The following EMB variants were observed in gnomAD, a reference collection of about 807,000 sequenced individuals.
EMB encodes embigin, also known as embigin homolog.
Under a neutral mutation model 41.4 loss-of-function variants are expected in EMB, and 31 were observed. That is an observed-to-expected ratio of 0.75 (90% CI 0.56 to 1.01). The LOEUF is 1.01. EMB is among the 50% of genes least tolerant of loss of function. The pLI is 0.00. For synonymous variants in EMB, 137 were observed against 140.4 expected (o/e 0.98, Z 0.17); for missense variants, 379 against 388.3 (o/e 0.98, Z 0.20).
At position 50,411,302 on chromosome 5, in the gene EMB, G is replaced by A; in HGVS notation, c.278C>T (p.Ser93Phe). Residue 93 changes from serine to phenylalanine, a missense_variant, in exon 3 of 9, where the codon TCT (serine) becomes TTT (phenylalanine). Physicochemically the swap from Ser to Phe is radical, Grantham distance 155. Coordinates refer to ENST00000303221, the MANE Select transcript of EMB (RefSeq NM_198449.3). ...NVNLTCQFTT[S>F]GDLNAVNVTW... is the part of the protein sequence containing the mutation. ...CACATTTACTGCATTCAAATCCCCA[G>A]ATGTTGTGAACTGGCATGTGAGATT... The A allele has an allele frequency of 6.2e-7, 1 of 1,612,932 alleles. No individual in the cohort carries two copies. Among genetic ancestry groups the A allele is most frequent in the South Asian group, 1.1e-5 (1 of 90,950 alleles).
intron 2 of EMB, chr5:50,411,591 A>G: frequency 5.0e-6 from 2 of 400,248 alleles, no homozygotes; most frequent in East Asian, 8.1e-5. Context: ...TTCAACATTA[A>G]CACAATTAAA....
intron 7 of EMB, among the ~76,000 whole-genome samples, chr5:50,400,434 G>T (rs542715214): frequency 2.0e-5 from 3 of 151,892 alleles, no homozygotes; most frequent in African/African-American, 4.8e-5. Context: ...AGGTCTTGGG[G>T]GCAGGCGTCA....
At chr5:50,441,460 CAGGTCGGGAGA>C (rs1490133566), upstream of EMB, 2 of 230,328 alleles carry the variant, frequency 8.7e-6, no homozygotes, top group African/African-American at 2.3e-5. Context: ...TCGGCTCTAG[CAGGTCGGGAGA>C]GAGCTTGGGC....
intron 1 of EMB, among the ~76,000 whole-genome samples, chr5:50,436,568 C>A (rs1024876507): frequency 6.6e-6 from 1 of 152,214 alleles, no homozygotes; most frequent in Non-Finnish European, 1.5e-5. Flanking sequence ...GATCAAACAT[C>A]ACCCATCTGC....
chr5:50,399,495 C>G (rs528774695), intron 8 of EMB, among the ~76,000 whole-genome samples: 2 of 151,914 alleles, frequency 1.3e-5, no homozygotes, highest in South Asian at 2.1e-4. Context: ...TAAGTTTATA[C>G]CCCCAAATAT....
chr5:50,415,003 G>A (rs780654519), intron 2 of EMB, among the ~76,000 whole-genome samples: 2 of 152,016 alleles, frequency 1.3e-5, no homozygotes, highest in Non-Finnish European at 2.9e-5. Context: ...CACTGAAGTC[G>A]TTTTTTTATT....
intron 2 of EMB, among the ~76,000 whole-genome samples, chr5:50,420,657 T>C (rs1441189124): frequency 5.3e-5 from 8 of 152,226 alleles, no homozygotes; most frequent in Admixed American, 3.3e-4. Flanking sequence ...AAACATACAC[T>C]GTATGACATC....
At chr5:50,419,241 T>G (rs1163506678) in intron 2 of EMB, among the ~76,000 whole-genome samples, 5 of 152,094 alleles carry the variant, frequency 3.3e-5, no homozygotes. Flanking sequence ...TCTTCTACAT[T>G]TACAAATCAA....
intron 1 of EMB, among the ~76,000 whole-genome samples, chr5:50,435,077 C>T (rs960955040): frequency 6.6e-6 from 1 of 152,196 alleles, no homozygotes; most frequent in African/African-American, 2.4e-5. Context: ...TTCTCAACTA[C>T]TGTTTTAGTT....
Position 50,441,215 on chromosome 5 carries a change from C to G in EMB, c.-64G>C. On this transcript the variant is annotated 5_prime_UTR_variant, in exon 1 of 9. Coordinates refer to ENST00000303221, the MANE Select transcript of EMB (RefSeq NM_198449.3). ...TCCCTCAGCTCGCCGCCGCGGGTGT[C>G]CAGAGTCCCTGCGCACACTCGCAGG... The G allele has an allele frequency of 1.9e-6, 2 of 1,051,406 alleles. No homozygotes were observed. The highest frequency in any genetic ancestry group is 2.5e-6 in the Non-Finnish European group (2 of 790,808). 65.1% of individuals were successfully genotyped at this position (1,051,406 alleles called of 1,614,324 possible). A position where few individuals can be genotyped will look rare whatever the true frequency, so the allele number is the denominator to read the frequency against.
Position 50,397,569 on chromosome 5 carries a change from GA to G in EMB, c.*1703del, listed in dbSNP as rs1419909972. The G allele has an allele frequency of 2.6e-5, 4 of 152,006 alleles. No homozygotes were observed. Among genetic ancestry groups the G allele is most frequent in the African/African-American group, 9.7e-5 (4 of 41,400 alleles). The allele number at this position is 152,006 out of a possible 1,614,324, so 9.4% of individuals were successfully genotyped here. ...TTCCAAGTCACAAATACACTGCTTT[GA>G]ATTGTATTTAGTCAAACAGCAGATT... is the stretch of plus-strand genomic sequence containing the variant. On this transcript the variant is annotated 3_prime_UTR_variant, in exon 9 of 9. Coordinates refer to ENST00000303221, the MANE Select transcript of EMB (RefSeq NM_198449.3).
In EMB at chr5:50,430,801, C is replaced by T. The variant is rs1215392893; in HGVS notation, c.113-2574G>A. The stretch of plus-strand genomic sequence containing the variant: ...GGTGGAAGAAGGGTGAAGATAATTC[C>T]AGGAAGATGAGCTCCAATGCTGGGG... On this transcript the variant is annotated intron_variant, in intron 1 of 8. Coordinates refer to ENST00000303221, the MANE Select transcript of EMB (RefSeq NM_198449.3). 2.0e-5 allele frequency among the ~76,000 whole-genome samples: 3 copies of T among 152,160 alleles called. No individual in the cohort carries two copies. The East Asian group carries it at 5.8e-4, about 29-fold the overall frequency.
intron 2 of EMB, among the ~76,000 whole-genome samples, chr5:50,412,992 T>C (rs905568877): frequency 3.3e-5 from 5 of 151,466 alleles, no homozygotes; most frequent in Non-Finnish European, 7.4e-5. Context: ...CTACTTGTCT[T>C]TTCTTTCTTC....
intron 2 of EMB, among the ~76,000 whole-genome samples, chr5:50,427,186 A>C (rs558263319): frequency 2.0e-4 from 31 of 152,326 alleles, no homozygotes; most frequent in African/African-American, 7.0e-4. Context: ...AGTCATACTG[A>C]AGACCATTCC....
chr5:50,433,564 G>C (rs1170687829), intron 1 of EMB, among the ~76,000 whole-genome samples: 1 of 152,204 alleles, frequency 6.6e-6, no homozygotes, highest in Non-Finnish European at 1.5e-5. Context: ...TATTCGATAA[G>C]AGTTGGGATT....
At chr5:50,420,077 G>A (rs992975040) in intron 2 of EMB, among the ~76,000 whole-genome samples, 3 of 152,142 alleles carry the variant, frequency 2.0e-5, no homozygotes, top group African/African-American at 4.8e-5. Context: ...AATGCATGCT[G>A]GGCTTACTGT....
chr5:50,427,305 A>G (rs540023218), intron 2 of EMB, among the ~76,000 whole-genome samples: 1 of 152,094 alleles, frequency 6.6e-6, no homozygotes, highest in Admixed American at 6.5e-5. Context: ...AATTATAAAT[A>G]TATCTTCAAA....
At chr5:50,424,894 A>T (rs1241741932) in intron 2 of EMB, among the ~76,000 whole-genome samples, 2 of 152,206 alleles carry the variant, frequency 1.3e-5, no homozygotes, top group African/African-American at 4.8e-5. Flanking sequence ...TATTAAAAAA[A>T]CAAAAGTTGA....
chr5:50,417,680 A>G (rs373629636), intron 2 of EMB, among the ~76,000 whole-genome samples: 7 of 152,184 alleles, frequency 4.6e-5, no homozygotes, highest in African/African-American at 1.7e-4. Context: ...AAAATCTCCA[A>G]GTAATCCCTG....
Sources: gnomAD v4.1 joint callset for allele counts (sites outside exome capture counted in the v4.1 genomes callset) on GRCh38, gnomAD v4.1.1 for gene constraint, MANE v1.5 for transcripts, NCBI Gene and HGNC (gene_info 2026-07-23, HGNC 2026-07-21) for gene names.